Variants in PLCB1 observed in about 807,000 individuals in gnomAD.
The protein encoded by PLCB1 is phospholipase C beta 1, also known as 1-phosphatidylinositol 4,5-bisphosphate phosphodiesterase beta-1.
A neutral mutation model predicts 161.8 loss-of-function variants in PLCB1; 46 were observed. That is an observed-to-expected ratio of 0.28 (90% CI 0.22 to 0.36). PLCB1 has a LOEUF of 0.36. Among genes scored for constraint, PLCB1 ranks in the 10% least tolerant of loss-of-function variants. PLCB1 has a pLI of 1.00. For missense variants in PLCB1, 1,016 were observed against 1,472.5 expected, an observed-to-expected ratio of 0.69 and a Z score of 5.07; for synonymous variants, 517 against 503.7, an observed-to-expected ratio of 1.03 and a Z score of -0.35.
intron 27 of PLCB1, among the ~76,000 whole-genome samples, chr20:8,776,695 G>C (rs1406745442): frequency 1.3e-5 from 2 of 152,084 alleles, no homozygotes; most frequent in African/African-American, 2.4e-5. Context: ...TGAAACAAAT[G>C]CTTATTAGAC....
intron 3 of PLCB1, among the ~76,000 whole-genome samples, chr20:8,472,533 A>ACT (rs532234827): frequency 1.7e-3 from 260 of 151,978 alleles, no homozygotes; most frequent in African/African-American, 6.0e-3. Context: ...TTATAGAACA[A>ACT]CTCTCTCTGG....
intron 26 of PLCB1, 59 bp from the exon 27 acceptor site, chr20:8,774,480 C>T: frequency 1.4e-6 from 2 of 1,443,422 alleles, no homozygotes; most frequent in East Asian, 2.3e-5. Context: ...GGTGAATAAC[C>T]TTCCCTCCAC....
chr20:8,763,760 G>A (rs143166639), intron 25 of PLCB1, among the ~76,000 whole-genome samples: 7,033 of 152,004 alleles, frequency 0.046, 350 homozygotes, highest in African/African-American at 0.13. Flanking sequence ...GACCTCAGGT[G>A]ATCCTGCCTC....
chr20:8,472,551 G>A (rs928578050), intron 3 of PLCB1, among the ~76,000 whole-genome samples: 2 of 152,050 alleles, frequency 1.3e-5, no homozygotes, highest in African/African-American at 2.4e-5. Flanking sequence ...TGGAATAGCC[G>A]TGTTCTCTTT....
chr20:8,283,421 C>T (rs1470829169), intron 2 of PLCB1, among the ~76,000 whole-genome samples: 1 of 151,564 alleles, frequency 6.6e-6, no homozygotes, highest in Admixed American at 6.6e-5. Context: ...TACTGCATTA[C>T]ATATTTTTAA....
chr20:8,205,620 C>T (rs1418028942), intron 2 of PLCB1, among the ~76,000 whole-genome samples: 1 of 152,044 alleles, frequency 6.6e-6, no homozygotes, highest in Non-Finnish European at 1.5e-5. Flanking sequence ...AAAATTATGG[C>T]ACTTGTGAGA....
intron 23 of PLCB1, among the ~76,000 whole-genome samples, chr20:8,746,583 A>G (rs1295740056): frequency 6.6e-6 from 1 of 152,146 alleles, no homozygotes; most frequent in Non-Finnish European, 1.5e-5. Flanking sequence ...CAGCTCAAGC[A>G]ATCCTCCCAC....
chr20:8,661,516 CCTT>C (rs149566578), intron 9 of PLCB1, among the ~76,000 whole-genome samples: 14,194 of 152,030 alleles, frequency 0.093, 779 homozygotes, highest in African/African-American at 0.15. Flanking sequence ...ATTTGTAGCT[CCTT>C]CTTCTCTAGA....
intron 31 of PLCB1, among the ~76,000 whole-genome samples, chr20:8,848,216 C>G (rs1051417514): frequency 6.6e-6 from 1 of 152,200 alleles, no homozygotes; most frequent in Non-Finnish European, 1.5e-5. Context: ...AGGACAAGGT[C>G]TGGAAGAGTC....
chr20:8,169,682 C>T lies in PLCB1; in HGVS notation c.177+19311C>T, dbSNP rs544076239. Among the ~76,000 whole-genome samples the T allele has an allele frequency of 4.6e-5, 7 of 152,250 alleles. No homozygotes were observed. The South Asian group carries it at 6.2e-4, about 14-fold the overall frequency. Reference sequence around the variant, plus strand: ...TGCAGATAAATCCCTGATTGGACAACTATCTAAGAGTTAGTAGATCCACTC... The same window carrying T: ...TGCAGATAAATCCCTGATTGGACAATTATCTAAGAGTTAGTAGATCCACTC... On this transcript the variant is annotated intron_variant, in intron 2 of 31. Transcript: ENST00000338037.
chr20:8,708,901 T>C (rs531220617), intron 12 of PLCB1, 149 bp downstream of exon 12: 34 of 599,896 alleles, frequency 5.7e-5, no homozygotes, highest in African/African-American at 4.7e-4. Context: ...TTGTAGGTGA[T>C]GGAATTCACT....
chr20:8,318,455 C>A (rs2745771), intron 2 of PLCB1, among the ~76,000 whole-genome samples: 15,890 of 151,150 alleles, frequency 0.11, 1,688 homozygotes, highest in African/African-American at 0.27. Flanking sequence ...TTGCCCCCCC[C>A]CTTTTTCTTT....
chr20:8,796,456 C>T (rs576599274), intron 31 of PLCB1, among the ~76,000 whole-genome samples: 1 of 152,294 alleles, frequency 6.6e-6, no homozygotes, highest in East Asian at 1.9e-4. Flanking sequence ...CTCCTCTAAT[C>T]TTTTGCGGCT....
intron 3 of PLCB1, among the ~76,000 whole-genome samples, chr20:8,386,432 G>C (rs1987428564): frequency 6.6e-6 from 1 of 152,122 alleles, no homozygotes; most frequent in Admixed American, 6.5e-5. Flanking sequence ...TATTTTGAAA[G>C]GAATCCTTTC....
At chr20:8,441,205 C>G (rs1232745) in intron 3 of PLCB1, among the ~76,000 whole-genome samples, 3 of 151,922 alleles carry the variant, frequency 2.0e-5, no homozygotes. Flanking sequence ...AAAGTAGTAA[C>G]ATTGTTTATT....
chr20:8,708,557 C>G lies in PLCB1; in HGVS notation c.1168-113C>G, dbSNP rs538083282. ...TCCCTTCTAGCCATTTCAGGCCATTCGATACAATTCTCTGAATGGAAAAGA... is the reference window on the plus strand; with the variant it reads ...TCCCTTCTAGCCATTTCAGGCCATTGGATACAATTCTCTGAATGGAAAAGA... On this transcript the variant is annotated intron_variant, in intron 11 of 31. Coordinates refer to ENST00000338037, the MANE Select transcript of PLCB1 (RefSeq NM_015192.4). 80 of 672,102 alleles carry G rather than the reference C, an allele frequency of 1.2e-4. No individual in the cohort carries two copies. In the Middle Eastern group the frequency reaches 2.6e-3, roughly 22 times the overall value. The allele number at this position is 672,102 out of a possible 1,614,324, so 41.6% of individuals were successfully genotyped here.
chr20:8,412,223 T>C (rs1304868588), intron 3 of PLCB1, among the ~76,000 whole-genome samples: 1 of 152,200 alleles, frequency 6.6e-6, no homozygotes, highest in East Asian at 1.9e-4. Context: ...TTTATTTTAT[T>C]GTTCAGGTAC....
chr20:8,614,338 A>C (rs186882097), intron 3 of PLCB1, among the ~76,000 whole-genome samples: 1 of 150,756 alleles, frequency 6.6e-6, no homozygotes, highest in Non-Finnish European at 1.5e-5. Context: ...AATTATATAT[A>C]TATATACACA....
At chr20:8,133,659 A>C (rs2051315519) in intron 1 of PLCB1, among the ~76,000 whole-genome samples, 1 of 152,176 alleles carries the variant, frequency 6.6e-6, no homozygotes, top group South Asian at 2.1e-4. Flanking sequence ...AAACATGCGA[A>C]TCTTCGGATG....
Sources: gnomAD v4.1 joint callset for allele counts (sites outside exome capture counted in the v4.1 genomes callset) on GRCh38, gnomAD v4.1.1 for gene constraint, MANE v1.5 for transcripts, NCBI Gene and HGNC (gene_info 2026-07-23, HGNC 2026-07-21) for gene names.